PTBP2: variants seen among roughly 807,000 people sequenced by gnomAD.
PTBP2 encodes polypyrimidine tract binding protein 2.
A neutral mutation model predicts 61.4 loss-of-function variants in PTBP2; 13 were observed. That is an observed-to-expected ratio of 0.21 (90% confidence interval 0.14 to 0.34). The LOEUF (loss-of-function observed/expected upper bound fraction) is 0.34. PTBP2 is among the 10% of genes least tolerant of loss of function. PTBP2 has a pLI of 1.00. For synonymous variants in PTBP2, 215 were observed against 218.5 expected (o/e 0.98, Z 0.14); for missense variants, 405 against 642.6 (o/e 0.63, Z 4.00).
intron 8 of PTBP2, among the ~76,000 whole-genome samples, chr1:96,802,197 CG>C (rs1661072548): frequency 8.5e-6 from 1 of 116,988 alleles, no homozygotes; most frequent in East Asian, 2.7e-4. Context: ...AGAGACACAG[CG>C]AGACTCCGTC....
intron 8 of PTBP2, among the ~76,000 whole-genome samples, chr1:96,794,184 C>G (rs918937911): frequency 6.6e-6 from 1 of 152,112 alleles, no homozygotes; most frequent in Non-Finnish European, 1.5e-5. Context: ...ACTTGAAGAC[C>G]TCTCTTGTAT....
At chr1:96,792,591 T>A (rs1273884906) in intron 8 of PTBP2, among the ~76,000 whole-genome samples, 1 of 152,186 alleles carries the variant, frequency 6.6e-6, no homozygotes, top group Non-Finnish European at 1.5e-5. Flanking sequence ...TCATTTTAGC[T>A]TGCTTTTTTT....
At chr1:96,764,231 A>C (rs138942402) in intron 3 of PTBP2, among the ~76,000 whole-genome samples, 3 of 152,336 alleles carry the variant, frequency 2.0e-5, no homozygotes, top group Admixed American at 6.5e-5. Flanking sequence ...TTAGAAACTT[A>C]ATCTCAGGTA....
At chr1:96,800,151 A>C (rs1189495290) in intron 8 of PTBP2, among the ~76,000 whole-genome samples, 1 of 152,198 alleles carries the variant, frequency 6.6e-6, no homozygotes, top group Non-Finnish European at 1.5e-5. Context: ...ATCATTGGAC[A>C]TAATAGATTA....
intron 2 of PTBP2, among the ~76,000 whole-genome samples, chr1:96,742,662 CTT>C (rs373120041): frequency 0.024 from 2,864 of 119,958 alleles, 40 homozygotes; most frequent in Middle Eastern, 0.059. Flanking sequence ...ATAGCTTTGG[CTT>C]TTTTTTTTTT....
intron 10 of PTBP2, 62 bp from the exon 11 acceptor site, chr1:96,806,804 T>C (rs1397509446): frequency 5.8e-6 from 7 of 1,206,666 alleles, no homozygotes; most frequent in South Asian, 2.5e-5. Context: ...AGATAATCTT[T>C]AGGTGACTTC....
At chr1:96,756,333 A>G (rs1015049997) in intron 3 of PTBP2, among the ~76,000 whole-genome samples, 4 of 152,194 alleles carry the variant, frequency 2.6e-5, no homozygotes, top group Non-Finnish European at 4.4e-5. Context: ...CAGGAGGTGG[A>G]GGTTGCAGTG....
chr1:96,733,608 C>T (rs774817327), intron 2 of PTBP2, among the ~76,000 whole-genome samples: 3 of 151,862 alleles, frequency 2.0e-5, no homozygotes, highest in African/African-American at 4.8e-5. Context: ...TGAGCCCAGG[C>T]GGCAGTGAGC....
intron 8 of PTBP2, among the ~76,000 whole-genome samples, chr1:96,787,226 T>C (rs956659543): frequency 2.0e-5 from 3 of 152,116 alleles, no homozygotes; most frequent in Non-Finnish European, 4.4e-5. Context: ...TTCACCATGT[T>C]GGCCAGGCTG....
intron 8 of PTBP2, among the ~76,000 whole-genome samples, chr1:96,792,930 A>G (rs995945039): frequency 6.6e-6 from 1 of 152,208 alleles, no homozygotes; most frequent in African/African-American, 2.4e-5. Flanking sequence ...AGAAAGACCA[A>G]AGTAATCACA....
chr1:96,753,455 G>T (rs1177367896), intron 3 of PTBP2, among the ~76,000 whole-genome samples: 2 of 152,018 alleles, frequency 1.3e-5, no homozygotes, highest in Non-Finnish European at 2.9e-5. Context: ...GGATTAATCA[G>T]TAATTTAGTT....
At chr1:96,800,250 ATT>A (rs1660835643) in intron 8 of PTBP2, among the ~76,000 whole-genome samples, 2 of 152,140 alleles carry the variant, frequency 1.3e-5, no homozygotes, top group African/African-American at 4.8e-5. Context: ...CACACCTTGT[ATT>A]CCCTTTTTTG....
chr1:96,730,919 T>C (rs1327207600), intron 2 of PTBP2, among the ~76,000 whole-genome samples: 5 of 152,208 alleles, frequency 3.3e-5, no homozygotes, highest in African/African-American at 1.2e-4. Context: ...AAAGCAATTA[T>C]TCTGTATAGT....
intron 3 of PTBP2, among the ~76,000 whole-genome samples, chr1:96,757,816 A>G (rs1247409964): frequency 6.6e-6 from 1 of 152,156 alleles, no homozygotes; most frequent in Non-Finnish European, 1.5e-5. Context: ...AATCGTGAAC[A>G]ATACATGGAT....
chr1:96,793,888 G>GA (rs936549849), intron 8 of PTBP2, among the ~76,000 whole-genome samples: 2 of 151,864 alleles, frequency 1.3e-5, no homozygotes, highest in African/African-American at 4.8e-5. Flanking sequence ...CTACAGATGA[G>GA]AAAAAAATGT....
chr1:96,728,447 C>G lies in PTBP2; in HGVS notation c.39+4853C>G, dbSNP rs541451384. On this transcript the variant is annotated intron_variant, in intron 2 of 13. Coordinates refer to ENST00000674951, the MANE Select transcript of PTBP2 (RefSeq NM_021190.4). ...AGCATCATTTGTTGAAAAGACTATC[C>G]TTTCTCCATTCACTTGGCTTTGCAG... Among the ~76,000 whole-genome samples the G allele has an allele frequency of 4.6e-5, 7 of 152,270 alleles. No individual in the cohort carries two copies. In the South Asian group the frequency reaches 1.5e-3, roughly 32 times the overall value.
intron 9 of PTBP2, among the ~76,000 whole-genome samples, chr1:96,805,309 G>T (rs749611465): frequency 6.6e-6 from 1 of 151,662 alleles, no homozygotes; most frequent in Non-Finnish European, 1.5e-5. Flanking sequence ...CTAATTATTT[G>T]CTTGTTCATT....
intron 8 of PTBP2, among the ~76,000 whole-genome samples, chr1:96,802,345 A>T (rs1661103216): frequency 6.6e-6 from 1 of 152,120 alleles, no homozygotes; most frequent in African/African-American, 2.4e-5. Context: ...AAAGTTGAAG[A>T]CAATTATAGT....
rs1243587551 is a variant in PTBP2, at chr1:96,770,719, A to G, written c.300A>G (p.Glu100=). 1 of 1,611,218 alleles carries G rather than the reference A, an allele frequency of 6.2e-7. No homozygotes were observed. The highest frequency in any genetic ancestry group is 8.5e-7 in the Non-Finnish European group (1 of 1,178,522). ...ACTTAAATTTTCAGGCATTTTTGGA[A>G]CTAGCAACCGAGGAAGCAGCTATTA... is the stretch of plus-strand genomic sequence containing the variant. ...MLKGKNQAFL[E]LATEEAAITM... Residue 100 remains glutamate, a synonymous_variant, in exon 5 of 14, where the codon GAA becomes GAG. Transcript: ENST00000674951.
Sources: allele counts gnomAD v4.1 joint callset (sites outside exome capture counted in the v4.1 genomes callset), GRCh38; gene constraint gnomAD v4.1.1; transcripts MANE v1.5; gene names NCBI Gene and HGNC (gene_info 2026-07-23, HGNC 2026-07-21).